Variants in LETM2 observed in about 807,000 individuals in gnomAD.
LETM2 encodes the protein LETM1 domain-containing protein LETM2, mitochondrial.
A neutral mutation model predicts 59.6 loss-of-function variants in LETM2; 58 were observed. The observed-to-expected ratio is 0.97, with a 90% confidence interval of 0.79 to 1.21. The LOEUF is 1.21. Ranked by LOEUF, LETM2 falls within the 50% of genes most tolerant of loss-of-function variation. The probability of loss-of-function intolerance (pLI) is 0.00; values close to 1 mark genes in which losing one functional copy is unlikely to be tolerated. For synonymous variants in LETM2, 199 were observed against 214.1 expected (o/e 0.93, Z 0.62); for missense variants, 572 against 575.7 (o/e 0.99, Z 0.07).
chr8:38,391,168 ACTC>A lies in LETM2; in HGVS notation c.48-1368_48-1366del, dbSNP rs1335146063. Reference sequence around the variant, plus strand: ...ACTCCAGCCTGGGTGACAGAGTGAGACTCCTCCTGTCTCAAAAAAAAAAAAAAA... The same window carrying A: ...ACTCCAGCCTGGGTGACAGAGTGAGACTCCTGTCTCAAAAAAAAAAAAAAA... On this transcript the variant is annotated intron_variant, in intron 2 of 10. Transcript: ENST00000379957. 2.4e-5 allele frequency among the ~76,000 whole-genome samples: 3 copies of A among 124,338 alleles called. No homozygotes were observed. In the East Asian group the frequency reaches 7.3e-4, roughly 30 times the overall value. 81.6% of individuals were successfully genotyped at this position (124,338 alleles called of 152,430 possible). A position where few individuals can be genotyped will look rare whatever the true frequency, so the allele number is the denominator to read the frequency against.
upstream of LETM2, among the ~76,000 whole-genome samples, chr8:38,383,970 T>A (rs1020022042): frequency 1.3e-5 from 2 of 151,734 alleles, no homozygotes; most frequent in African/African-American, 2.4e-5. Flanking sequence ...AATCATTAAA[T>A]ATTTTTAAAC....
At chr8:38,404,077 T>G (rs1813480240) in intron 7 of LETM2, among the ~76,000 whole-genome samples, 1 of 152,166 alleles carries the variant, frequency 6.6e-6, no homozygotes, top group Admixed American at 6.5e-5. Flanking sequence ...GGCTGTGATT[T>G]ATTCTTTCAC....
At chr8:38,390,694 T>G (rs1812171310) in intron 2 of LETM2, among the ~76,000 whole-genome samples, 1 of 150,590 alleles carries the variant, frequency 6.6e-6, no homozygotes, top group South Asian at 2.1e-4. Flanking sequence ...TGTTTTTTGT[T>G]TTTTTGTGAG....
intron 2 of LETM2, 47 bp downstream of exon 2, chr8:38,388,077 CTTCTTTT>C: frequency 1.8e-6 from 2 of 1,112,338 alleles, no homozygotes; most frequent in South Asian, 1.5e-5. Flanking sequence ...TCTTCTTCTT[CTTCTTTT>C]TTTTTTTTTT....
rs912178865 is a variant in LETM2 at position 38,388,133 on chromosome 8, T to C, written c.47+103T>C. 1.3e-5 allele frequency: 10 copies of C among 785,894 alleles called. No homozygotes were observed. In the African/African-American group the frequency reaches 1.4e-4, roughly 11 times the overall value. 48.7% of individuals were successfully genotyped at this position (785,894 alleles called of 1,614,324 possible). A position where few individuals can be genotyped will look rare whatever the true frequency, so the allele number is the denominator to read the frequency against. On this transcript the variant is annotated intron_variant, in intron 2 of 10. Coordinates refer to ENST00000379957, the MANE Select transcript of LETM2 (RefSeq NM_001286819.2). ...TCGCACTCTGTCGCCCAGGCTGGAGTTCAATGGTGCAATCTCGGCTCACTG... is the reference window on the plus strand; with the variant it reads ...TCGCACTCTGTCGCCCAGGCTGGAGCTCAATGGTGCAATCTCGGCTCACTG...
intron 1 of LETM2, among the ~76,000 whole-genome samples, chr8:38,387,708 G>T (rs1035053856): frequency 1.3e-5 from 2 of 151,908 alleles, no homozygotes. Context: ...TCTGAAGATT[G>T]TACCATCTTC....
At chr8:38,408,007 T>C (rs1813870118) in intron 10 of LETM2, 5 of 517,312 alleles carry the variant, frequency 9.7e-6, no homozygotes, top group Middle Eastern at 5.3e-4. Context: ...AAGACACAGA[T>C]GGGGTAAGCC....
At position 38,392,693 on chromosome 8, in the gene LETM2, C is replaced by T. The variant is rs1405684388; in HGVS notation, c.199C>T (p.Leu67Phe). ...SDPSQPGNTV[L>F]HPGTRLIQKL... ...TCCTAGTCAGCCAGGCAATACAGTA[C>T]TTCACCCAGGAACTAGACTAATACA... The change falls in exon 3 of 11, where the codon CTT (leucine) becomes TTT (phenylalanine). Residue 67 changes from leucine to phenylalanine, a missense_variant. Leu to Phe is a conservative substitution (Grantham distance 22). Coordinates refer to ENST00000379957, the MANE Select transcript of LETM2 (RefSeq NM_001286819.2). 1.9e-6 allele frequency: 3 copies of T among 1,614,158 alleles called. No homozygotes were observed. Among genetic ancestry groups the T allele is most frequent in the Non-Finnish European group, 2.5e-6 (3 of 1,180,034 alleles).
At chr8:38,384,318 A>C (rs1371408703), upstream of LETM2, among the ~76,000 whole-genome samples, 5 of 152,218 alleles carry the variant, frequency 3.3e-5, no homozygotes. Context: ...AAGAGTTTAA[A>C]ATTGGAGTTA....
intron 4 of LETM2, among the ~76,000 whole-genome samples, chr8:38,397,284 C>T (rs1310020350): frequency 1.3e-5 from 2 of 151,966 alleles, no homozygotes; most frequent in African/African-American, 2.4e-5. Context: ...GCAAGCAATT[C>T]TCCGGCCTCA....
chr8:38,388,077 CTTCTT>C, intron 2 of LETM2, 47 bp downstream of exon 2: 13 of 1,112,306 alleles, frequency 1.2e-5, no homozygotes, highest in African/African-American at 1.0e-4. Flanking sequence ...TCTTCTTCTT[CTTCTT>C]TTTTTTTTTT....
intron 4 of LETM2, chr8:38,394,513 T>C: frequency 3.6e-6 from 1 of 274,440 alleles, no homozygotes; most frequent in Non-Finnish European, 6.8e-6. Flanking sequence ...GTATCCACCA[T>C]CACAGTATCA....
chr8:38,405,119 G>A (rs1255664179), intron 8 of LETM2, among the ~76,000 whole-genome samples: 1 of 152,130 alleles, frequency 6.6e-6, no homozygotes, highest in African/African-American at 2.4e-5. Context: ...TTAGCAGACT[G>A]GTGTGTGTGG....
intron 7 of LETM2, among the ~76,000 whole-genome samples, 175 bp downstream of exon 7, chr8:38,402,819 TATCA>T (rs1813352401): frequency 6.6e-6 from 1 of 152,226 alleles, no homozygotes; most frequent in African/African-American, 2.4e-5. Flanking sequence ...TTGGGATCTC[TATCA>T]GTTTTGTATT....
Position 38,392,990 on chromosome 8 carries a change from C to G in LETM2, c.496C>G (p.Arg166Gly). The change falls in exon 3 of 11, where the codon CGA (arginine) becomes GGA (glycine). Residue 166 changes from arginine (R) to glycine (G), a missense_variant. Arg to Gly is a moderately radical substitution (Grantham distance 125, BLOSUM62 -2). Transcript: ENST00000379957. ...ACAGGTCCTGACCAGACGAGAGAGA[C>G]GAAGGGTAGGCAAGAATCATATTTG... is the stretch of plus-strand genomic sequence containing the variant. ...HGQVLTRRER[R>G]RLLRTCVDFF... is the part of the protein sequence containing the mutation. 4 of 1,591,426 alleles carry G rather than the reference C, an allele frequency of 2.5e-6. No homozygotes were observed. Among genetic ancestry groups the G allele is most frequent in the Non-Finnish European group, 2.6e-6 (3 of 1,170,798 alleles).
intron 4 of LETM2, 168 bp downstream of exon 4, chr8:38,394,409 A>G (rs987527274): frequency 6.7e-6 from 3 of 445,192 alleles, no homozygotes; most frequent in South Asian, 6.1e-5. Context: ...GATTAAAAAA[A>G]CCAATATTGA....
upstream of LETM2, among the ~76,000 whole-genome samples, chr8:38,383,637 A>G (rs1412864553): frequency 1.3e-5 from 2 of 152,054 alleles, no homozygotes; most frequent in Non-Finnish European, 2.9e-5. Flanking sequence ...GATACTGAGA[A>G]TTATCAGTAT....
At chr8:38,385,427 C>CT (rs1811735360), upstream of LETM2, among the ~76,000 whole-genome samples, 1 of 152,126 alleles carries the variant, frequency 6.6e-6, no homozygotes. Flanking sequence ...GAATCTCGCT[C>CT]TTGTCGCCCA....
chr8:38,404,364 T>G, intron 7 of LETM2, 29 bp from the exon 8 acceptor site: 3 of 1,448,790 alleles, frequency 2.1e-6, no homozygotes, highest in Non-Finnish European at 2.9e-6. Flanking sequence ...GTTCTGATTC[T>G]CACGTGTTGT....
Sources: allele counts gnomAD v4.1 joint callset (sites outside exome capture counted in the v4.1 genomes callset), GRCh38; gene constraint gnomAD v4.1.1; transcripts MANE v1.5; gene names NCBI Gene and HGNC (gene_info 2026-07-23, HGNC 2026-07-21).